UBE2E2: variants seen among roughly 807,000 people sequenced by gnomAD.
UBE2E2 encodes the protein ubiquitin-conjugating enzyme E2 E2.
Under a neutral mutation model 24.7 loss-of-function variants are expected in UBE2E2, and 6 were observed. The ratio of observed to expected loss-of-function variants is 0.24; its 90% CI spans 0.13 to 0.48. The LOEUF (loss-of-function observed/expected upper bound fraction) is 0.48, where lower values mean the gene tolerates loss of function less well. Among genes scored for constraint, UBE2E2 ranks in the 20% least tolerant of loss-of-function variants. The pLI, the probability that UBE2E2 is intolerant of heterozygous loss-of-function variation, is 0.99. For synonymous variants in UBE2E2, 104 were observed against 83.6 expected (o/e 1.24, Z -1.33); for missense variants, 169 against 245.0 (o/e 0.69, Z 2.07).
At chr3:23,344,579 T>C (rs1695495283) in intron 3 of UBE2E2, among the ~76,000 whole-genome samples, 1 of 152,122 alleles carries the variant, frequency 6.6e-6, no homozygotes. Flanking sequence ...TGAATGAAGA[T>C]ATTAAGAATT....
intron 3 of UBE2E2, among the ~76,000 whole-genome samples, chr3:23,358,362 G>A (rs920031378): frequency 6.6e-6 from 1 of 152,138 alleles, no homozygotes; most frequent in Non-Finnish European, 1.5e-5. Context: ...AACCAGTGGT[G>A]ATGGTTCACA....
intron 3 of UBE2E2, among the ~76,000 whole-genome samples, chr3:23,341,378 A>G (rs1183124187): frequency 6.6e-6 from 1 of 152,146 alleles, no homozygotes; most frequent in Non-Finnish European, 1.5e-5. Flanking sequence ...GTATAATTAG[A>G]TAAATTTACC....
At chr3:23,299,847 T>C (rs1421964864) in intron 3 of UBE2E2, among the ~76,000 whole-genome samples, 1 of 152,170 alleles carries the variant, frequency 6.6e-6, no homozygotes, top group East Asian at 1.9e-4. Context: ...CTTGTTAACT[T>C]TCTGTCTCGT....
chr3:23,425,394 T>C (rs1697902485), intron 3 of UBE2E2, among the ~76,000 whole-genome samples: 1 of 152,168 alleles, frequency 6.6e-6, no homozygotes, highest in Admixed American at 6.6e-5. Flanking sequence ...ATCCCATCTG[T>C]CTCTGAAATT....
At chr3:23,370,705 A>G (rs1696379259) in intron 3 of UBE2E2, among the ~76,000 whole-genome samples, 1 of 152,212 alleles carries the variant, frequency 6.6e-6, no homozygotes, top group African/African-American at 2.4e-5. Flanking sequence ...GGAGGAGATC[A>G]TAAGTTCCAC....
At chr3:23,421,721 T>G (rs911317770) in intron 3 of UBE2E2, among the ~76,000 whole-genome samples, 3 of 152,344 alleles carry the variant, frequency 2.0e-5, no homozygotes, top group African/African-American at 7.2e-5. Flanking sequence ...GCCATTGTCT[T>G]AAGTGAAATA....
At chr3:23,366,107 C>T (rs570334709) in intron 3 of UBE2E2, among the ~76,000 whole-genome samples, 45 of 152,058 alleles carry the variant, frequency 3.0e-4, no homozygotes, top group Non-Finnish European at 4.7e-4. Flanking sequence ...ATCAAAACCA[C>T]AGTGAGATAC....
At chr3:23,533,531 T>G (rs1383406788) in intron 5 of UBE2E2, among the ~76,000 whole-genome samples, 1 of 152,172 alleles carries the variant, frequency 6.6e-6, no homozygotes, top group Non-Finnish European at 1.5e-5. Context: ...CCTGGCTGTT[T>G]TATAAAACAT....
chr3:23,520,035 G>A (rs1296001950), intron 4 of UBE2E2, among the ~76,000 whole-genome samples: 1 of 151,928 alleles, frequency 6.6e-6, no homozygotes, highest in Non-Finnish European at 1.5e-5. Flanking sequence ...TTGAATCCCT[G>A]TGTCATTAGC....
chr3:23,535,368 G>A (rs1009468849), intron 5 of UBE2E2, among the ~76,000 whole-genome samples: 1 of 152,150 alleles, frequency 6.6e-6, no homozygotes, highest in Non-Finnish European at 1.5e-5. Context: ...TTTAACTGGG[G>A]AGATAGTATC....
At chr3:23,424,424 G>T (rs544227898) in intron 3 of UBE2E2, among the ~76,000 whole-genome samples, 1 of 149,300 alleles carries the variant, frequency 6.7e-6, no homozygotes. Flanking sequence ...CATATTAACT[G>T]ACTTAAACAC....
At chr3:23,285,080 A>G (rs984889500) in intron 3 of UBE2E2, among the ~76,000 whole-genome samples, 1 of 151,790 alleles carries the variant, frequency 6.6e-6, no homozygotes, top group African/African-American at 2.4e-5. Context: ...GCCTCTATGA[A>G]CTCAATTGTT....
chr3:23,503,989 T>C (rs1694370098), intron 4 of UBE2E2, among the ~76,000 whole-genome samples: 1 of 148,092 alleles, frequency 6.8e-6, no homozygotes, highest in South Asian at 2.2e-4. Context: ...TAAAAAACAG[T>C]TGCAGATAAG....
intron 3 of UBE2E2, among the ~76,000 whole-genome samples, chr3:23,299,911 G>A (rs1016977969): frequency 2.0e-5 from 3 of 152,096 alleles, no homozygotes; most frequent in African/African-American, 7.2e-5. Context: ...ATTAGTGTGT[G>A]GGAGTCTAAG....
In UBE2E2 at chr3:23,490,050, CTAAT is replaced by C. The variant is rs765217118; in HGVS notation, c.228-9554_228-9551del. 1.1e-4 allele frequency among the ~76,000 whole-genome samples: 17 copies of C among 152,156 alleles called. No homozygotes were observed. The South Asian group carries it at 1.7e-3, about 15-fold the overall frequency. On this transcript the variant is annotated intron_variant, in intron 3 of 5. Transcript: ENST00000396703. Reference sequence around the variant, plus strand: ...CAGCTCATTTCTGGAGTCCTTTCAGCTAATTAAAGGATTGCAGATATTATAATTC... The same window carrying C: ...CAGCTCATTTCTGGAGTCCTTTCAGCTAAAGGATTGCAGATATTATAATTC...
chr3:23,223,916 T>G (rs57055494), intron 3 of UBE2E2, among the ~76,000 whole-genome samples: 1 of 151,926 alleles, frequency 6.6e-6, no homozygotes. Flanking sequence ...CTTTTCCCAT[T>G]GCGTGTTATT....
chr3:23,205,046 A>G (rs1559437784), intron 1 of UBE2E2, among the ~76,000 whole-genome samples: 1 of 152,236 alleles, frequency 6.6e-6, no homozygotes, highest in East Asian at 1.9e-4. Context: ...CATTCACTGT[A>G]TGTTGCTAAT....
At chr3:23,499,335 T>C (rs1237445502) in intron 3 of UBE2E2, among the ~76,000 whole-genome samples, 1 of 152,240 alleles carries the variant, frequency 6.6e-6, no homozygotes, top group Non-Finnish European at 1.5e-5. Flanking sequence ...TTTGTGTTTC[T>C]ACCTCTGGCC....
At chr3:23,358,946 C>T (rs1378603523) in intron 3 of UBE2E2, among the ~76,000 whole-genome samples, 1 of 152,140 alleles carries the variant, frequency 6.6e-6, no homozygotes, top group Non-Finnish European at 1.5e-5. Flanking sequence ...TACCTAGCCA[C>T]AAAGTGTTAG....
Sources: gnomAD v4.1 joint callset for allele counts (sites outside exome capture counted in the v4.1 genomes callset) on GRCh38, gnomAD v4.1.1 for gene constraint, MANE v1.5 for transcripts, NCBI Gene and HGNC (gene_info 2026-07-23, HGNC 2026-07-21) for gene names.